The following SEMA5A variants were observed in gnomAD, a reference collection of about 807,000 sequenced individuals.
SEMA5A encodes semaphorin 5A, also known as semaphorin-5A.
In SEMA5A, 55 loss-of-function variants were observed where a neutral mutation model predicts 135.5. The observed-to-expected ratio is 0.41, with a 90% CI of 0.33 to 0.51. SEMA5A has a LOEUF of 0.51. Among genes scored for constraint, SEMA5A ranks in the 20% least tolerant of loss-of-function variants. The probability of loss-of-function intolerance (pLI) is 0.37; values close to 1 mark genes in which losing one functional copy is unlikely to be tolerated. For missense variants in SEMA5A, 1,290 were observed against 1,419.9 expected (o/e 0.91, Z 1.47); for synonymous variants, 580 against 546.5 (o/e 1.06, Z -0.85).
intron 3 of SEMA5A, among the ~76,000 whole-genome samples, chr5:9,357,744 G>A (rs1170649800): frequency 6.6e-6 from 1 of 152,172 alleles, no homozygotes; most frequent in Non-Finnish European, 1.5e-5. Flanking sequence ...CACCTCTCCT[G>A]GACAGAGAGG....
chr5:9,533,502 A>T (rs2126343517), intron 1 of SEMA5A, among the ~76,000 whole-genome samples: 1 of 152,354 alleles, frequency 6.6e-6, no homozygotes, highest in East Asian at 1.9e-4. Context: ...TAAAATATTC[A>T]TCTAAAATAT....
intron 19 of SEMA5A, among the ~76,000 whole-genome samples, chr5:9,052,975 A>C (rs1439878208): frequency 6.6e-6 from 1 of 152,216 alleles, no homozygotes; most frequent in Non-Finnish European, 1.5e-5. Flanking sequence ...AAAGGGTAAA[A>C]TGTTTCCTTA....
At position 9,108,224 on chromosome 5, in the gene SEMA5A, T is replaced by C. The variant is rs1257203659; in HGVS notation, c.1989A>G (p.Glu663=). 3 of 1,614,058 alleles carry C rather than the reference T, an allele frequency of 1.9e-6. No homozygotes were observed. Among genetic ancestry groups the C allele is most frequent in the Non-Finnish European group, 2.5e-6 (3 of 1,180,042 alleles). The change falls in exon 16 of 23, where the codon GAA becomes GAG. Residue 663 remains glutamate, a synonymous_variant. Coordinates refer to ENST00000382496, the MANE Select transcript of SEMA5A (RefSeq NM_003966.3). ...CACCCCCGCATTGGGCTGTGCACCG[T>C]TCCCAAGGACCCCAGCCTGTCCAGA... ...HMFWTGWGPW[E]RCTAQCGGGI...
intron 7 of SEMA5A, 39 bp from the exon 8 acceptor site, chr5:9,224,926 A>G: frequency 6.4e-7 from 1 of 1,565,014 alleles, no homozygotes; most frequent in Non-Finnish European, 8.7e-7. Context: ...TTATCTCTGC[A>G]CAAGCCCCTT....
chr5:9,177,235 T>C (rs1354824903), intron 11 of SEMA5A, among the ~76,000 whole-genome samples: 2 of 152,184 alleles, frequency 1.3e-5, no homozygotes, highest in Non-Finnish European at 2.9e-5. Flanking sequence ...GGGGCAGTTA[T>C]AGGCTGCTGA....
At chr5:9,056,511 C>G (rs182439842) in intron 18 of SEMA5A, among the ~76,000 whole-genome samples, 39 of 152,262 alleles carry the variant, frequency 2.6e-4, no homozygotes, top group African/African-American at 9.4e-4. Context: ...CACCTGAGGC[C>G]AGGAGTTCGA....
At chr5:9,322,866 C>T (rs1165831050) in intron 4 of SEMA5A, among the ~76,000 whole-genome samples, 1 of 152,150 alleles carries the variant, frequency 6.6e-6, no homozygotes, top group Admixed American at 6.5e-5. Context: ...AGTAACAGCT[C>T]TTATGCTACT....
chr5:9,366,920 C>A (rs183315049), intron 3 of SEMA5A, among the ~76,000 whole-genome samples: 30 of 152,286 alleles, frequency 2.0e-4, no homozygotes, highest in South Asian at 8.3e-4. Context: ...ATCAGAGAAG[C>A]AGTTAACAGC....
At chr5:9,293,904 T>C (rs968140714) in intron 5 of SEMA5A, among the ~76,000 whole-genome samples, 1 of 152,164 alleles carries the variant, frequency 6.6e-6, no homozygotes, top group Admixed American at 6.5e-5. Flanking sequence ...TAAACTAACA[T>C]AGAGAAAAGA....
chr5:9,372,888 G>A (rs528529157), intron 3 of SEMA5A, among the ~76,000 whole-genome samples: 1 of 152,368 alleles, frequency 6.6e-6, no homozygotes, highest in African/African-American at 2.4e-5. Flanking sequence ...GTTGTACCTT[G>A]ACACTGTCCG....
chr5:9,113,193 T>C (rs149060260), intron 15 of SEMA5A, among the ~76,000 whole-genome samples: 61 of 152,312 alleles, frequency 4.0e-4, no homozygotes, highest in African/African-American at 1.4e-3. Flanking sequence ...TGCCTAAATC[T>C]GTGGTAATGT....
chr5:9,169,617 T>C (rs1743802948), intron 11 of SEMA5A, among the ~76,000 whole-genome samples: 1 of 152,152 alleles, frequency 6.6e-6, no homozygotes, highest in African/African-American at 2.4e-5. Context: ...CATCTGCTCT[T>C]GAACAAATAA....
At chr5:9,230,721 A>C (rs1579669435) in intron 6 of SEMA5A, among the ~76,000 whole-genome samples, 1 of 152,044 alleles carries the variant, frequency 6.6e-6, no homozygotes. Context: ...GCCCTATGGA[A>C]CCCAGAGGAG....
intron 2 of SEMA5A, among the ~76,000 whole-genome samples, chr5:9,384,671 TAGATATAGATAG>T (rs1478988686): frequency 1.4e-4 from 15 of 104,356 alleles, no homozygotes; most frequent in African/African-American, 5.6e-4. Flanking sequence ...TATAGATAGA[TAGATATAGATAG>T]ATAGATAGAT....
chr5:9,065,903 T>G (rs1306293806), intron 17 of SEMA5A, among the ~76,000 whole-genome samples: 1 of 152,216 alleles, frequency 6.6e-6, no homozygotes, highest in Non-Finnish European at 1.5e-5. Flanking sequence ...TACTATGGCA[T>G]TCAAGGGATT....
At chr5:9,428,334 G>GTGC (rs1757741638) in intron 2 of SEMA5A, among the ~76,000 whole-genome samples, 1 of 152,084 alleles carries the variant, frequency 6.6e-6, no homozygotes, top group South Asian at 2.1e-4. Flanking sequence ...CAGTCATGCT[G>GTGC]TGCTGCGCTA....
At chr5:9,377,106 CG>C (rs1755394482) in intron 3 of SEMA5A, among the ~76,000 whole-genome samples, 2 of 130,176 alleles carry the variant, frequency 1.5e-5, no homozygotes, top group Non-Finnish European at 3.2e-5. Context: ...ATGTAGCTAC[CG>C]AAAAAAAAAA....
At chr5:9,407,029 T>A (rs1579490223) in intron 2 of SEMA5A, among the ~76,000 whole-genome samples, 1 of 152,252 alleles carries the variant, frequency 6.6e-6, no homozygotes, top group East Asian at 1.9e-4. Context: ...ATTGTGGATC[T>A]GTCCTGTGCA....
Position 9,507,894 on chromosome 5 carries a change from C to T in SEMA5A, c.-175+37690G>A, listed in dbSNP as rs1203898281. Among the ~76,000 whole-genome samples the T allele has an allele frequency of 2.6e-5, 4 of 152,026 alleles. No homozygotes were observed. In the East Asian group the frequency reaches 7.8e-4, roughly 30 times the overall value. ...TGGCGGGCGCCTGTAGTCCCAGCTA[C>T]TCGGGAGGCTGAGGCAGGAGAATGA... On this transcript the variant is annotated intron_variant, in intron 1 of 22. Transcript: ENST00000382496.
Sources: gnomAD v4.1 joint callset for allele counts (sites outside exome capture counted in the v4.1 genomes callset) on GRCh38, gnomAD v4.1.1 for gene constraint, MANE v1.5 for transcripts, NCBI Gene and HGNC (gene_info 2026-07-23, HGNC 2026-07-21) for gene names.